TMEM131: variants seen among roughly 807,000 people sequenced by gnomAD.
The protein encoded by TMEM131 is transmembrane protein 131.
Under a neutral mutation model 211.6 loss-of-function variants are expected in TMEM131, and 66 were observed. The ratio of observed to expected loss-of-function variants is 0.31; its 90% CI spans 0.26 to 0.38. The LOEUF is 0.38. Ranked by LOEUF, TMEM131 falls within the 10% of genes least tolerant of loss-of-function variation. The pLI is 1.00. For synonymous variants in TMEM131, 844 were observed against 841.3 expected, an observed-to-expected ratio of 1.00 and a Z score of -0.06; for missense variants, 2,036 against 2,299.3, an observed-to-expected ratio of 0.89 and a Z score of 2.34.
At chr2:97,893,877 T>C (rs1675489778) in intron 3 of TMEM131, among the ~76,000 whole-genome samples, 2 of 152,204 alleles carry the variant, frequency 1.3e-5, no homozygotes, top group Admixed American at 6.5e-5. Context: ...AACTCTTTAG[T>C]TTAATTAGAT....
chr2:97,785,562 T>C (rs1193493632), intron 31 of TMEM131, among the ~76,000 whole-genome samples: 3 of 152,226 alleles, frequency 2.0e-5, no homozygotes, highest in African/African-American at 7.2e-5. Context: ...CCTACGTTGC[T>C]GGTGGGAATG....
At chr2:97,936,642 T>G (rs1353803923) in intron 1 of TMEM131, among the ~76,000 whole-genome samples, 1 of 152,166 alleles carries the variant, frequency 6.6e-6, no homozygotes, top group African/African-American at 2.4e-5. Flanking sequence ...TTAAAATAAC[T>G]TGTTCAGAAA....
intron 1 of TMEM131, among the ~76,000 whole-genome samples, chr2:97,991,577 G>A (rs1459018980): frequency 6.6e-6 from 1 of 152,130 alleles, no homozygotes; most frequent in Admixed American, 6.5e-5. Flanking sequence ...ACACACACAG[G>A]GAGGAAGACA....
Position 97,792,956 on chromosome 2 carries a change from G to T in TMEM131, c.3574C>A (p.His1192Asn). The T allele has an allele frequency of 1.3e-6, 2 of 1,598,218 alleles. No individual in the cohort carries two copies. Among genetic ancestry groups the T allele is most frequent in the South Asian group, 2.2e-5 (2 of 89,504 alleles). The part of the protein sequence containing the change: ...NLNTLSCDPG[H>N]SRGFCGAGGS... ...CCTGCTCCACAGAACCCCCTACTGT[G>T]ACCGGGGTCACAGCTGAGTGTGTTC... is the stretch of plus-strand genomic sequence containing the variant. Residue 1192 changes from histidine to asparagine, a missense_variant, in exon 31 of 41, where the codon CAC (histidine) becomes AAC (asparagine). Physicochemically the swap from His to Asn is moderately conservative, Grantham distance 68. Around this residue, in one of 3 missense-constraint regions of TMEM131, gnomAD observed 1,623 missense variants for 1,805.9 expected, o/e 0.90. Transcript: ENST00000186436.
intron 3 of TMEM131, among the ~76,000 whole-genome samples, chr2:97,902,491 G>A (rs913989473): frequency 2.0e-5 from 3 of 152,064 alleles, no homozygotes; most frequent in Non-Finnish European, 4.4e-5. Flanking sequence ...AGTAACTCAC[G>A]GTTTTTAATA....
intron 4 of TMEM131, among the ~76,000 whole-genome samples, chr2:97,887,014 C>T (rs897257007): frequency 4.6e-5 from 7 of 152,230 alleles, no homozygotes; most frequent in African/African-American, 1.7e-4. Flanking sequence ...GCGTGGGATG[C>T]AGTCTCATGG....
At chr2:97,904,544 TTAAAA>T (rs1189834704) in intron 3 of TMEM131, among the ~76,000 whole-genome samples, 4 of 152,194 alleles carry the variant, frequency 2.6e-5, no homozygotes, top group African/African-American at 7.2e-5. Context: ...AAATACAAAA[TTAAAA>T]TAAAGTTCTT....
intron 1 of TMEM131, among the ~76,000 whole-genome samples, chr2:97,978,361 A>T (rs970717097): frequency 4.6e-5 from 7 of 152,160 alleles, no homozygotes; most frequent in Non-Finnish European, 1.0e-4. Flanking sequence ...CATCTATAAG[A>T]AGCAACTCTT....
intron 8 of TMEM131, among the ~76,000 whole-genome samples, chr2:97,836,013 G>C (rs1302696481): frequency 6.6e-6 from 1 of 152,138 alleles, no homozygotes; most frequent in African/African-American, 2.4e-5. Flanking sequence ...GTTCTGTCTA[G>C]AATAATATAT....
At chr2:97,877,397 A>T (rs184337614) in intron 4 of TMEM131, among the ~76,000 whole-genome samples, 82 of 152,368 alleles carry the variant, frequency 5.4e-4, no homozygotes, top group African/African-American at 1.9e-3. Flanking sequence ...CGTATTGCCA[A>T]GACAATCCTG....
chr2:97,799,804 T>A (rs763603236), intron 25 of TMEM131, among the ~76,000 whole-genome samples: 64 of 152,234 alleles, frequency 4.2e-4, no homozygotes, highest in Non-Finnish European at 7.5e-4. Flanking sequence ...ATACTCCTTC[T>A]TTTTGTAATT....
At chr2:97,949,725 C>G (rs1678211083) in intron 1 of TMEM131, among the ~76,000 whole-genome samples, 1 of 139,576 alleles carries the variant, frequency 7.2e-6, no homozygotes, top group South Asian at 2.1e-4. Flanking sequence ...GAGGGTGAGG[C>G]AGAAGAATGG....
intron 11 of TMEM131, among the ~76,000 whole-genome samples, chr2:97,827,892 G>A (rs190549806): frequency 0.029 from 4,415 of 152,154 alleles, 67 homozygotes; most frequent in Middle Eastern, 0.065. Context: ...GCAATATGGA[G>A]TCAGTCCTGC....
chr2:97,918,320 G>A (rs1391019519), intron 2 of TMEM131, among the ~76,000 whole-genome samples: 1 of 151,890 alleles, frequency 6.6e-6, no homozygotes, highest in East Asian at 1.9e-4. Flanking sequence ...GTGATCCAAG[G>A]GACTCATGAA....
chr2:97,781,166 A>C (rs1028477244), intron 31 of TMEM131, among the ~76,000 whole-genome samples: 1 of 152,172 alleles, frequency 6.6e-6, no homozygotes, highest in Non-Finnish European at 1.5e-5. Flanking sequence ...TCTATTCGTC[A>C]TACAGCCTAA....
intron 3 of TMEM131, among the ~76,000 whole-genome samples, chr2:97,904,903 A>C (rs1028773052): frequency 1.3e-5 from 2 of 152,046 alleles, no homozygotes; most frequent in African/African-American, 4.8e-5. Context: ...TAAGAACCTT[A>C]CAACTCAATT....
At chr2:97,787,046 G>C (rs17022289) in intron 31 of TMEM131, among the ~76,000 whole-genome samples, 3,743 of 152,126 alleles carry the variant, frequency 0.025, 166 homozygotes, top group African/African-American at 0.086. Flanking sequence ...TGATAGTACC[G>C]TAACTAAAAA....
At chr2:97,779,062 G>A (rs183649220) in intron 31 of TMEM131, among the ~76,000 whole-genome samples, 2 of 152,318 alleles carry the variant, frequency 1.3e-5, no homozygotes, top group East Asian at 3.9e-4. Flanking sequence ...TGCAGTCTGG[G>A]CCCGACCCCT....
chr2:97,851,321 G>A, intron 5 of TMEM131, among the ~76,000 whole-genome samples: 1 of 152,036 alleles, frequency 6.6e-6, no homozygotes. Context: ...TCTACCCTCT[G>A]CCTTCTTCAA....
Sources: gnomAD v4.1 joint callset for allele counts (sites outside exome capture counted in the v4.1 genomes callset) on GRCh38, gnomAD v4.1.1 for gene constraint, gnomAD v4.1.1 regional missense constraint, MANE v1.5 for transcripts, NCBI Gene and HGNC (gene_info 2026-07-23, HGNC 2026-07-21) for gene names.